GATAD2B: variants seen among roughly 807,000 people sequenced by gnomAD.
GATAD2B encodes GATA zinc finger domain containing 2B, also known as transcriptional repressor p66-beta.
Under a neutral mutation model 64.3 loss-of-function variants are expected in GATAD2B, and 8 were observed. That is an observed-to-expected ratio of 0.12 (90% confidence interval 0.07 to 0.22). The LOEUF is 0.22. Among genes scored for constraint, GATAD2B ranks in the 10% least tolerant of loss-of-function variants. The pLI is 1.00. For missense variants in GATAD2B, 453 were observed against 752.0 expected (o/e 0.60, Z 4.65); for synonymous variants, 281 against 271.3 (o/e 1.04, Z -0.35).
chr1:153,898,004 C>A (rs11264550), intron 1 of GATAD2B, among the ~76,000 whole-genome samples: 3,531 of 131,132 alleles, frequency 0.027, 102 homozygotes, highest in African/African-American at 0.08. Flanking sequence ...AAAAAAAAAA[C>A]AAAAAAAAAA....
intron 1 of GATAD2B, among the ~76,000 whole-genome samples, chr1:153,867,079 TC>T (rs1676504251): frequency 6.6e-6 from 1 of 152,076 alleles, no homozygotes; most frequent in South Asian, 2.1e-4. Flanking sequence ...CCACCTGGCC[TC>T]CAATATACCA....
At chr1:153,815,280 C>CAAAAAAA (rs1159204191) in intron 7 of GATAD2B, among the ~76,000 whole-genome samples, 1,603 of 66,462 alleles carry the variant, frequency 0.024, 73 homozygotes, top group Middle Eastern at 0.032. Context: ...CTCAAAAAAA[C>CAAAAAAA]AAAAAAAAAA....
intron 1 of GATAD2B, among the ~76,000 whole-genome samples, chr1:153,835,344 A>G (rs1675225920): frequency 6.6e-6 from 1 of 152,190 alleles, no homozygotes; most frequent in Non-Finnish European, 1.5e-5. Flanking sequence ...ATAAAATGGT[A>G]TTAAACAGTA....
intron 1 of GATAD2B, among the ~76,000 whole-genome samples, chr1:153,908,711 G>A (rs1024210883): frequency 7.6e-5 from 11 of 145,206 alleles, no homozygotes; most frequent in South Asian, 4.3e-4. Flanking sequence ...CAGGTGATCC[G>A]CCCGCCTGGC....
intron 1 of GATAD2B, among the ~76,000 whole-genome samples, chr1:153,830,382 GT>G (rs1675031475): frequency 6.6e-6 from 1 of 152,172 alleles, no homozygotes; most frequent in South Asian, 2.1e-4. Context: ...TCTTGACCTT[GT>G]GATCTGTCTG....
At chr1:153,870,767 T>C (rs59678326) in intron 1 of GATAD2B, among the ~76,000 whole-genome samples, 45,080 of 152,070 alleles carry the variant, frequency 0.3, 6,868 homozygotes, top group Admixed American at 0.39. Flanking sequence ...TGATACCTCA[T>C]TATGTATACA....
intron 1 of GATAD2B, among the ~76,000 whole-genome samples, chr1:153,896,959 G>T (rs1001782846): frequency 1.3e-5 from 2 of 151,938 alleles, no homozygotes; most frequent in Non-Finnish European, 2.9e-5. Context: ...AGAGAAATTG[G>T]TTAAACAAAT....
intron 1 of GATAD2B, among the ~76,000 whole-genome samples, chr1:153,831,732 A>G (rs970157158): frequency 7.2e-5 from 11 of 152,174 alleles, no homozygotes; most frequent in Admixed American, 3.3e-4. Context: ...CCCTAACTCT[A>G]TAGTTAACAA....
At chr1:153,841,070 A>G (rs541092591) in intron 1 of GATAD2B, among the ~76,000 whole-genome samples, 66 of 151,006 alleles carry the variant, frequency 4.4e-4, no homozygotes, top group African/African-American at 1.6e-3. Context: ...GGTTGCAGTG[A>G]ACCGAGATCA....
chr1:153,848,313 G>A (rs1341285501), intron 1 of GATAD2B, among the ~76,000 whole-genome samples: 1 of 152,010 alleles, frequency 6.6e-6, no homozygotes, highest in Non-Finnish European at 1.5e-5. Flanking sequence ...TTTTTTCCAG[G>A]TCACTAATTA....
chr1:153,830,493 T>C (rs1675041334), intron 1 of GATAD2B, among the ~76,000 whole-genome samples: 1 of 147,170 alleles, frequency 6.8e-6, no homozygotes, highest in South Asian at 2.1e-4. Context: ...TTTTTTTTTT[T>C]GAGACAGAGT....
intron 1 of GATAD2B, among the ~76,000 whole-genome samples, chr1:153,906,121 A>T (rs1677921583): frequency 6.6e-6 from 1 of 150,556 alleles, no homozygotes; most frequent in African/African-American, 2.4e-5. Context: ...CACACAAAAC[A>T]GTGTGGGGCC....
intron 2 of GATAD2B, among the ~76,000 whole-genome samples, chr1:153,822,538 A>G (rs1302926846): frequency 6.6e-6 from 1 of 152,138 alleles, no homozygotes; most frequent in East Asian, 1.9e-4. Context: ...TTTGAGTCGG[A>G]GTCTTGCACT....
At chr1:153,888,698 C>T (rs1405825388) in intron 1 of GATAD2B, among the ~76,000 whole-genome samples, 1 of 152,144 alleles carries the variant, frequency 6.6e-6, no homozygotes, top group Admixed American at 6.6e-5. Flanking sequence ...TCTCTTTTGC[C>T]ACAGAGTTTC....
At chr1:153,843,897 G>C (rs61803659) in intron 1 of GATAD2B, among the ~76,000 whole-genome samples, 2,367 of 151,618 alleles carry the variant, frequency 0.016, 26 homozygotes, top group Non-Finnish European at 0.024. Context: ...AATGGACAGT[G>C]ATCCCAGAGT....
chr1:153,899,235 G>A (rs913066952), intron 1 of GATAD2B, among the ~76,000 whole-genome samples: 1 of 152,106 alleles, frequency 6.6e-6, no homozygotes, highest in Non-Finnish European at 1.5e-5. Flanking sequence ...TCCAGCCTGG[G>A]CAACATGGCG....
chr1:153,897,992 GA>G (rs1364485794), intron 1 of GATAD2B, among the ~76,000 whole-genome samples: 49 of 70,758 alleles, frequency 6.9e-4, no homozygotes, highest in South Asian at 1.9e-3. Context: ...AAAACAAACA[GA>G]AAAAAAAAAA....
chr1:153,885,053 G>A (rs1016119142), intron 1 of GATAD2B, among the ~76,000 whole-genome samples: 2 of 152,012 alleles, frequency 1.3e-5, no homozygotes, highest in Admixed American at 6.6e-5. Context: ...CAATGTGCCC[G>A]GCCCTGTTCT....
At chr1:153,883,940 G>C (rs547212428) in intron 1 of GATAD2B, among the ~76,000 whole-genome samples, 6 of 152,128 alleles carry the variant, frequency 3.9e-5, no homozygotes, top group Admixed American at 1.3e-4. Context: ...ACTCTTTTCA[G>C]CTAAATCATA....
Sources: gnomAD v4.1 joint callset for allele counts (sites outside exome capture counted in the v4.1 genomes callset) on GRCh38, gnomAD v4.1.1 for gene constraint, MANE v1.5 for transcripts, NCBI Gene and HGNC (gene_info 2026-07-23, HGNC 2026-07-21) for gene names.